Variants in COL4A1 observed in about 807,000 individuals in gnomAD.
COL4A1 encodes the protein collagen alpha-1(IV) chain.
A neutral mutation model predicts 216.6 loss-of-function variants in COL4A1; 40 were observed. That is an observed-to-expected ratio of 0.18 (90% CI 0.14 to 0.24). The LOEUF is 0.24. COL4A1 is among the 10% of genes least tolerant of loss of function. The probability of loss-of-function intolerance (pLI) is 1.00; values close to 1 mark genes in which losing one functional copy is unlikely to be tolerated. For missense variants in COL4A1, 1,628 were observed against 2,196.8 expected (o/e 0.74, Z 5.18); for synonymous variants, 839 against 810.7 (o/e 1.03, Z -0.59).
At position 110,150,132 on chromosome 13, in the gene COL4A1, C is replaced by T. The variant is rs752062690; in HGVS notation, c.*231G>A. The stretch of plus-strand genomic sequence containing the variant: ...AGAAAATATTGATATTTTATTTCAT[C>T]AAAAGTGCCATTTGGTATGCCACTA... On this transcript the variant is annotated 3_prime_UTR_variant, in exon 52 of 52. Transcript: ENST00000375820. 9 of 576,508 alleles carry T rather than the reference C, an allele frequency of 1.6e-5. No individual in the cohort carries two copies. The highest frequency in any genetic ancestry group is 2.2e-5 in the Non-Finnish European group (7 of 320,142). The allele number at this position is 576,508 out of a possible 1,614,324, so 35.7% of individuals were successfully genotyped here. A position where few individuals can be genotyped will look rare whatever the true frequency, so the allele number is the denominator to read the frequency against.
intron 44 of COL4A1, among the ~76,000 whole-genome samples, chr13:110,166,757 G>A (rs76675954): frequency 0.025 from 3,817 of 152,192 alleles, 109 homozygotes; most frequent in East Asian, 0.07. Context: ...GTCCCCAGTT[G>A]GACCACAAGA....
At chr13:110,196,542 C>G (rs986228534) in intron 21 of COL4A1, among the ~76,000 whole-genome samples, 32 of 152,154 alleles carry the variant, frequency 2.1e-4, no homozygotes, top group Non-Finnish European at 2.5e-4. Context: ...TAACTCCTGC[C>G]TGCTTCAGCT....
intron 50 of COL4A1, among the ~76,000 whole-genome samples, chr13:110,154,501 C>A (rs543127700): frequency 1.3e-5 from 2 of 152,360 alleles, no homozygotes; most frequent in South Asian, 4.1e-4. Flanking sequence ...CAAGCTCGTG[C>A]ATGTTGTAGT....
chr13:110,284,200 C>G (rs1331872415), intron 1 of COL4A1, among the ~76,000 whole-genome samples: 1 of 152,156 alleles, frequency 6.6e-6, no homozygotes, highest in Non-Finnish European at 1.5e-5. Context: ...TAAATTTCAC[C>G]CCTCTCCTCC....
chr13:110,233,873 G>A (rs779290060), intron 2 of COL4A1, among the ~76,000 whole-genome samples: 1 of 152,204 alleles, frequency 6.6e-6, no homozygotes, highest in Non-Finnish European at 1.5e-5. Flanking sequence ...GGTCCTGGGA[G>A]CGCTTCTGTC....
Position 110,169,730 on chromosome 13 carries a change from G to A in COL4A1, c.3775C>T (p.Pro1259Ser). ...LPGPMGPPGL[P>S]GIDGVKGDKG... ...TCACCTTTAACTCCATCAATCCCAGGAAGCCCTGGAGGCCCCATGGGTCCC... is the reference window on the plus strand; with the variant it reads ...TCACCTTTAACTCCATCAATCCCAGAAAGCCCTGGAGGCCCCATGGGTCCC... The change falls in exon 43 of 52, where the codon CCT becomes TCT. Residue 1259 changes from proline to serine, a missense_variant. By Grantham distance (74) the Pro-to-Ser change is moderately conservative. Transcript: ENST00000375820. The A allele has an allele frequency of 6.2e-7, 1 of 1,614,024 alleles. No homozygotes were observed. Among genetic ancestry groups the A allele is most frequent in the Non-Finnish European group, 8.5e-7 (1 of 1,180,028 alleles).
chr13:110,208,055 T>C (rs1038685734), intron 12 of COL4A1, among the ~76,000 whole-genome samples: 2 of 152,208 alleles, frequency 1.3e-5, no homozygotes, highest in African/African-American at 4.8e-5. Context: ...CAGGCCCCAC[T>C]GTATTGGGCG....
At chr13:110,200,939 G>A in intron 19 of COL4A1, 50 bp from the exon 20 acceptor site, 1 of 1,580,284 alleles carries the variant, frequency 6.3e-7, no homozygotes, top group East Asian at 2.2e-5. Flanking sequence ...TCACCCGTTT[G>A]TATACACTTC....
At chr13:110,217,471 T>C (rs938704541) in intron 2 of COL4A1, among the ~76,000 whole-genome samples, 2 of 152,176 alleles carry the variant, frequency 1.3e-5, no homozygotes, top group Non-Finnish European at 2.9e-5. Context: ...TCCCATGGTG[T>C]GCTCAAGGCA....
At chr13:110,250,802 G>A (rs1490310485) in intron 1 of COL4A1, among the ~76,000 whole-genome samples, 1 of 152,194 alleles carries the variant, frequency 6.6e-6, no homozygotes, top group Non-Finnish European at 1.5e-5. Context: ...GCACAGTGGG[G>A]CAAGGCCAGT....
In COL4A1 at chr13:110,185,671, T is replaced by A. The variant is rs148351733; in HGVS notation, c.1897+714A>T. On this transcript the variant is annotated intron_variant, in intron 26 of 51. Coordinates refer to ENST00000375820, the MANE Select transcript of COL4A1 (RefSeq NM_001845.6). ...TCTACTGGGAATCGCAGTCAGATAA[T>A]AAACTATTAGCACCTGCTGTGTGCA... 2.1e-3 allele frequency among the ~76,000 whole-genome samples: 325 copies of A among 152,236 alleles called. 3 individuals carry two copies. The highest frequency in any genetic ancestry group is 5.2e-3 in the Admixed American group (79 of 15,288).
At chr13:110,156,377 A>G (rs529180901) in intron 49 of COL4A1, among the ~76,000 whole-genome samples, 10 of 152,368 alleles carry the variant, frequency 6.6e-5, no homozygotes, top group African/African-American at 2.2e-4. Flanking sequence ...GAGTTGAGTA[A>G]CTAAGACAAA....
chr13:110,264,716 C>G (rs1214044753), intron 1 of COL4A1, among the ~76,000 whole-genome samples: 2 of 152,190 alleles, frequency 1.3e-5, no homozygotes, highest in Non-Finnish European at 2.9e-5. Flanking sequence ...TCTCCTCTCT[C>G]TCTGTCTCCT....
chr13:110,253,696 T>C (rs1247809449), intron 1 of COL4A1, among the ~76,000 whole-genome samples: 6 of 108,054 alleles, frequency 5.6e-5, no homozygotes, highest in Admixed American at 4.5e-4. Flanking sequence ...ATACATATAA[T>C]TATACGTATG....
Position 110,183,212 on chromosome 13 carries a change from C to T in COL4A1, c.1962G>A (p.Pro654=), listed in dbSNP as rs375980154. 14 of 1,613,732 alleles carry T rather than the reference C, an allele frequency of 8.7e-6. No homozygotes were observed. The highest frequency in any genetic ancestry group is 1.6e-4 in the Middle Eastern group (1 of 6,084). ...LPGPPGAEGL[P]GSPGFPGPQG... is the part of the protein sequence containing the mutation. ...GGGGACCTGGGAAGCCTGGGGACCC[C>T]GGCAGTCCTTCTGCTCCAGGGGGGC... Residue 654 remains proline, a synonymous_variant, in exon 27 of 52, where the codon CCG becomes CCA. Coordinates refer to ENST00000375820, the MANE Select transcript of COL4A1 (RefSeq NM_001845.6).
intron 1 of COL4A1, among the ~76,000 whole-genome samples, chr13:110,259,047 C>G (rs1332425418): frequency 1.3e-5 from 2 of 152,218 alleles, no homozygotes; most frequent in African/African-American, 4.8e-5. Context: ...CGGGGCCGCC[C>G]GGTCCCTGGA....
At chr13:110,167,080 A>C in intron 44 of COL4A1, 78 bp downstream of exon 44, 1 of 1,158,862 alleles carries the variant, frequency 8.6e-7, no homozygotes, top group East Asian at 2.3e-5. Flanking sequence ...ATCAGTGCTA[A>C]GGTGCCCGAG....
intron 1 of COL4A1, among the ~76,000 whole-genome samples, chr13:110,247,453 T>C (rs1881868718): frequency 6.6e-6 from 1 of 152,204 alleles, no homozygotes; most frequent in Non-Finnish European, 1.5e-5. Context: ...GTTAAAATAA[T>C]TAATACTGTG....
Position 110,307,063 on chromosome 13 carries a change from G to A in COL4A1, c.-36C>T, listed in dbSNP as rs778082758. On this transcript the variant is annotated 5_prime_UTR_variant, in exon 1 of 52. Coordinates refer to ENST00000375820, the MANE Select transcript of COL4A1 (RefSeq NM_001845.6). This position sits in a 1 kb window ranked among gnomAD's most constrained non-coding sequence, Gnocchi z 5.0. The stretch of plus-strand genomic sequence containing the variant: ...CCGAGGCGGCGAGGGACGGCTGCCC[G>A]GCGTGCGGGGGCCGCGGCGGACAGC... The A allele has an allele frequency of 1.4e-6, 2 of 1,409,260 alleles. No homozygotes were observed. The highest frequency in any genetic ancestry group is 1.5e-5 in the African/African-American group (1 of 66,458). The allele number at this position is 1,409,260 out of a possible 1,614,324, so 87.3% of individuals were successfully genotyped here.
Sources: gnomAD v4.1 joint callset for allele counts (sites outside exome capture counted in the v4.1 genomes callset) on GRCh38, gnomAD v4.1.1 for gene constraint, Gnocchi (gnomAD v3.1) non-coding constraint, MANE v1.5 for transcripts, NCBI Gene and HGNC (gene_info 2026-07-23, HGNC 2026-07-21) for gene names.